The following TMC6 variants were observed in gnomAD, a reference collection of about 807,000 sequenced individuals.
TMC6 encodes transmembrane channel like 6.
Under a neutral mutation model 95.4 loss-of-function variants are expected in TMC6, and 71 were observed. The ratio of observed to expected loss-of-function variants is 0.74; its 90% CI spans 0.61 to 0.91. TMC6 has a LOEUF of 0.91. Among genes scored for constraint, TMC6 ranks in the 40% least tolerant of loss-of-function variants. TMC6 has a pLI of 0.00. For missense variants in TMC6, 1,074 were observed against 1,079.1 expected (o/e 1.00, Z 0.07); for synonymous variants, 514 against 483.1 (o/e 1.06, Z -0.84).
chr17:78,126,617 C>T lies in TMC6; in HGVS notation c.88G>A (p.Val30Met), dbSNP rs1598877029. The T allele has an allele frequency of 6.2e-7, 1 of 1,613,632 alleles. No individual in the cohort carries two copies. The highest frequency in any genetic ancestry group is 1.3e-5 in the African/African-American group (1 of 75,040). The change falls in exon 3 of 20, where the codon GTG becomes ATG. Residue 30 changes from valine (V) to methionine (M), a missense_variant. Physicochemically the swap from Val to Met is conservative, Grantham distance 21. Transcript: ENST00000590602. ...ATGAGCTGCTGGAAGGAGTCGTGCA[C>T]TTCGCTTTCATCATAGGGGCTGGGG... Reference protein sequence around the residue: ...QGPSPYDESEVHDSFQQLIQE... With the variant: ...QGPSPYDESEMHDSFQQLIQE...
rs763657103 is a variant in TMC6 at position 78,124,059 on chromosome 17, T to G, written c.1012A>C (p.Asn338His). The change falls in exon 9 of 20, where the codon AAC (asparagine) becomes CAC (histidine). Residue 338 changes from asparagine to histidine, a missense_variant. Transcript: ENST00000590602. ...CTPRVGGLPY[N>H]MPLAYLSTVG... Reference sequence around the variant, plus strand: ...GTGGAGAGGTAGGCCAGGGGCATGTTGTAGGGCAGGCCACCCACCCTGGGT... The same window carrying G: ...GTGGAGAGGTAGGCCAGGGGCATGTGGTAGGGCAGGCCACCCACCCTGGGT... 6.2e-7 allele frequency: 1 copy of G among 1,613,522 alleles called. No homozygotes were observed. Among genetic ancestry groups the G allele is most frequent in the Admixed American group, 1.7e-5 (1 of 60,008 alleles).
At chr17:78,117,707 C>T in intron 16 of TMC6, 63 bp from the exon 17 acceptor site, 1 of 1,556,960 alleles carries the variant, frequency 6.4e-7, no homozygotes, top group Non-Finnish European at 8.7e-7. Context: ...TCCCTCCCAG[C>T]CCGTCCTCTG....
intron 16 of TMC6, 57 bp from the exon 17 acceptor site, chr17:78,117,701 T>C (rs2074199517): frequency 1.3e-6 from 2 of 1,554,976 alleles, no homozygotes; most frequent in South Asian, 1.2e-5. Context: ...CCCGGCTCCC[T>C]CCCAGCCCGT....
At chr17:78,125,078 TC>T in intron 6 of TMC6, 79 bp downstream of exon 6, 1 of 1,540,692 alleles carries the variant, frequency 6.5e-7, no homozygotes. Context: ...CAGCCCCTTC[TC>T]CCCCACCACC....
upstream of TMC6, chr17:78,131,436 G>A: frequency 1.8e-6 from 2 of 1,100,702 alleles, no homozygotes; most frequent in Non-Finnish European, 2.6e-6. Context: ...CAGGAGCCCA[G>A]GCCCCGACGC....
chr17:78,130,908 GCT>G, upstream of TMC6: 1 of 157,818 alleles, frequency 6.3e-6, no homozygotes, highest in Non-Finnish European at 1.4e-5. Context: ...GTGGGGGCCA[GCT>G]AGAGCCCTGC....
At chr17:78,113,437 G>A in intron 19 of TMC6, 111 bp downstream of exon 19, 2 of 1,377,910 alleles carry the variant, frequency 1.5e-6, no homozygotes, top group Non-Finnish European at 1.0e-6. Context: ...GTCAAAAGCG[G>A]TCAAGTGTCA....
upstream of TMC6, chr17:78,132,337 C>T: frequency 6.2e-7 from 1 of 1,612,218 alleles, no homozygotes; most frequent in Non-Finnish European, 8.5e-7. Context: ...CCTCCCTGAC[C>T]CACCCTGCTC....
chr17:78,118,937 C>G (rs181766351), intron 15 of TMC6, 34 bp downstream of exon 15: 1 of 1,569,514 alleles, frequency 6.4e-7, no homozygotes, highest in Non-Finnish European at 8.6e-7. Context: ...GCCACCCTGC[C>G]AGCCCAGCCC....
At position 78,109,541 on chromosome 17, in the gene TMC6, G is replaced by C. The variant is rs1285258128; in HGVS notation, c.*3607C>G. 2.2e-6 allele frequency: 1 copy of C among 456,442 alleles called. No homozygotes were observed. The highest frequency in any genetic ancestry group is 4.4e-6 in the Non-Finnish European group (1 of 226,962). The allele number at this position is 456,442 out of a possible 1,614,324, so 28.3% of individuals were successfully genotyped here. A position where few individuals can be genotyped will look rare whatever the true frequency, so the allele number is the denominator to read the frequency against. The stretch of plus-strand genomic sequence containing the variant: ...AGACACTCAGGAGGCTGAGGCGGGA[G>C]GATCACCTGAGCCCAGGAGGTCGAG... On this transcript the variant is annotated 3_prime_UTR_variant, in exon 20 of 20. Transcript: ENST00000590602.
Position 78,124,925 on chromosome 17 carries a change from G to C in TMC6, c.597C>G (p.Cys199Trp). 1 of 1,598,100 alleles carries C rather than the reference G, an allele frequency of 6.3e-7. No homozygotes were observed. The highest frequency in any genetic ancestry group is 8.5e-7 in the Non-Finnish European group (1 of 1,174,398). The part of the protein sequence containing the change: ...WRGQPGSGGV[C>W]SCCGRLRYAC... ...CATATCTGAGCCGGCCACAGCAGGA[G>C]CAGACCCCGCCGCTGCCCGGCTGGC... The change falls in exon 7 of 20, where the codon TGC becomes TGG. Residue 199 changes from cysteine (C) to tryptophan (W), a missense_variant. Physicochemically the swap from Cys to Trp is radical, Grantham distance 215. Coordinates refer to ENST00000590602, the MANE Select transcript of TMC6 (RefSeq NM_001127198.5).
Position 78,119,224 on chromosome 17 carries a change from G to C in TMC6, c.1811+73C>G, listed in dbSNP as rs1295588992. 2.5e-6 allele frequency: 4 copies of C among 1,581,514 alleles called. No homozygotes were observed. In the East Asian group the frequency reaches 6.7e-5, roughly 27 times the overall value. Reference sequence around the variant, plus strand: ...TGGCTGTGGCCCCAGGGGGAGGCAGGTACAGGACCCCCGGGGGGAAAGGGG... The same window carrying C: ...TGGCTGTGGCCCCAGGGGGAGGCAGCTACAGGACCCCCGGGGGGAAAGGGG... On this transcript the variant is annotated intron_variant, in intron 14 of 19. Transcript: ENST00000590602.
At chr17:78,132,367 G>T (rs755470929), upstream of TMC6, 2 of 1,612,922 alleles carry the variant, frequency 1.2e-6, no homozygotes, top group South Asian at 1.1e-5. Context: ...AGGCCTCTTC[G>T]GCACAGGAAT....
chr17:78,119,502 G>T, intron 13 of TMC6, 110 bp from the exon 14 acceptor site: 2 of 1,104,688 alleles, frequency 1.8e-6, no homozygotes, highest in Non-Finnish European at 2.7e-6. Context: ...CATCCTGGCC[G>T]TTCCACAGAT....
chr17:78,118,143 C>T (rs1489822492), intron 15 of TMC6: 3 of 797,476 alleles, frequency 3.8e-6, no homozygotes, highest in Non-Finnish European at 5.8e-6. Context: ...GCACCTCCAT[C>T]TGCTGAAGGT....
chr17:78,126,751 C>G (rs765783984), intron 2 of TMC6, 26 bp downstream of exon 2: 3 of 1,612,590 alleles, frequency 1.9e-6, no homozygotes, highest in Non-Finnish European at 2.5e-6. Context: ...ATTCCAGCCT[C>G]CAGCCCCCAG....
At chr17:78,127,052 G>A in intron 1 of TMC6, 146 bp from the exon 2 acceptor site, 1 of 629,118 alleles carries the variant, frequency 1.6e-6, no homozygotes, top group Non-Finnish European at 2.8e-6. Flanking sequence ...TACATAAATG[G>A]TGAGGCACCG....
In TMC6 at chr17:78,124,970, G is replaced by A. The variant is rs773352878; in HGVS notation, c.552C>T (p.Thr184=). The change falls in exon 7 of 20, where the codon ACC becomes ACT. Residue 184 remains threonine, a synonymous_variant. Transcript: ENST00000590602. The part of the protein sequence containing the change: ...EKRSLREKSR[T]PRGKWRGQPG... ...GCTGGCCCCTCCACTTCCCCCTCGG[G>A]GTCCTGCTCTTCTCTCTGGGGACAG... The A allele has an allele frequency of 1.9e-6, 3 of 1,592,992 alleles. No individual in the cohort carries two copies. The highest frequency in any genetic ancestry group is 2.6e-6 in the Non-Finnish European group (3 of 1,172,408).
At chr17:78,120,002 G>A (rs1276456412) in intron 13 of TMC6, 2 of 389,374 alleles carry the variant, frequency 5.1e-6, no homozygotes, top group South Asian at 2.0e-5. Flanking sequence ...ATATATTCTC[G>A]AAGAAAACAC....
Sources: gnomAD v4.1 joint callset for allele counts on GRCh38, gnomAD v4.1.1 for gene constraint, MANE v1.5 for transcripts, NCBI Gene and HGNC (gene_info 2026-07-23, HGNC 2026-07-21) for gene names.